CPA6: variants seen among roughly 807,000 people sequenced by gnomAD.
CPA6 encodes carboxypeptidase B.
A neutral mutation model predicts 63.3 loss-of-function variants in CPA6; 58 were observed. The ratio of observed to expected loss-of-function variants is 0.92; its 90% CI spans 0.74 to 1.14. The LOEUF (loss-of-function observed/expected upper bound fraction) is 1.14, where lower values mean the gene tolerates loss of function less well. Ranked by LOEUF, CPA6 falls within the 50% of genes most tolerant of loss-of-function variation. CPA6 has a pLI of 0.00. For synonymous variants in CPA6, 185 were observed against 179.0 expected (o/e 1.03, Z -0.27); for missense variants, 565 against 526.6 (o/e 1.07, Z -0.71).
chr8:67,667,602 T>C (rs1477114493), intron 1 of CPA6, among the ~76,000 whole-genome samples: 1 of 152,100 alleles, frequency 6.6e-6, no homozygotes, highest in Non-Finnish European at 1.5e-5. Context: ...AAAGGGAGGA[T>C]CGGCAAGGTT....
chr8:67,584,611 T>C (rs1228808367), intron 2 of CPA6, among the ~76,000 whole-genome samples: 1 of 152,150 alleles, frequency 6.6e-6, no homozygotes, highest in East Asian at 1.9e-4. Flanking sequence ...AATTATTTTC[T>C]ATTAAAGGGT....
Position 67,422,496 on chromosome 8 carries a change from G to A in CPA6, c.*8C>T. 1 of 1,611,180 alleles carries A rather than the reference G, an allele frequency of 6.2e-7. No homozygotes were observed. Among genetic ancestry groups the A allele is most frequent in the East Asian group, 2.2e-5 (1 of 44,826 alleles). ...TCCTATGGCAGTTGACCTGAGCCTT[G>A]GGCTGTCTCAGGGACATTTCTTTAG... is the stretch of plus-strand genomic sequence containing the variant. On this transcript the variant is annotated 3_prime_UTR_variant, in exon 11 of 11. Coordinates refer to ENST00000297770, the MANE Select transcript of CPA6 (RefSeq NM_020361.5).
chr8:67,461,564 A>G (rs1175319835), intron 8 of CPA6, among the ~76,000 whole-genome samples: 2 of 152,202 alleles, frequency 1.3e-5, no homozygotes, highest in African/African-American at 2.4e-5. Flanking sequence ...CCCGTTCTCA[A>G]TGAGCTGTTG....
At chr8:67,446,046 C>G (rs879916011) in intron 8 of CPA6, among the ~76,000 whole-genome samples, 20 of 152,062 alleles carry the variant, frequency 1.3e-4, no homozygotes, top group Non-Finnish European at 2.2e-4. Context: ...GGGCGGATCA[C>G]GAGGTCAGGA....
intron 8 of CPA6, among the ~76,000 whole-genome samples, chr8:67,464,529 A>G (rs1810883407): frequency 6.6e-6 from 1 of 152,068 alleles, no homozygotes; most frequent in South Asian, 2.1e-4. Flanking sequence ...TCAGGTCCCA[A>G]TTGTCAATTT....
At chr8:67,623,026 CA>C (rs1408549293) in intron 2 of CPA6, among the ~76,000 whole-genome samples, 1 of 152,162 alleles carries the variant, frequency 6.6e-6, no homozygotes, top group Non-Finnish European at 1.5e-5. Context: ...TAAAGTTTAT[CA>C]AAGATTGAAT....
At chr8:67,423,453 A>G (rs374713630) in intron 10 of CPA6, among the ~76,000 whole-genome samples, 1 of 152,026 alleles carries the variant, frequency 6.6e-6, no homozygotes, top group African/African-American at 2.4e-5. Flanking sequence ...CTGTGCCTTT[A>G]CTTAGATTGG....
At chr8:67,640,809 C>G (rs1815574472) in intron 1 of CPA6, among the ~76,000 whole-genome samples, 2 of 151,586 alleles carry the variant, frequency 1.3e-5, no homozygotes, top group Non-Finnish European at 2.9e-5. Flanking sequence ...TGCATTTTCC[C>G]CAGCAGCAGC....
At chr8:67,485,459 T>A (rs1362785515) in intron 6 of CPA6, among the ~76,000 whole-genome samples, 1 of 152,214 alleles carries the variant, frequency 6.6e-6, no homozygotes, top group African/African-American at 2.4e-5. Context: ...TATGATATTG[T>A]GTGTATGCGT....
At chr8:67,682,525 A>C (rs1456290403) in intron 1 of CPA6, among the ~76,000 whole-genome samples, 1 of 152,016 alleles carries the variant, frequency 6.6e-6, no homozygotes, top group African/African-American at 2.4e-5. Flanking sequence ...GTTTCTATTG[A>C]TCTTTCTTAT....
chr8:67,617,126 C>T (rs16933449), intron 2 of CPA6, among the ~76,000 whole-genome samples: 5,666 of 152,156 alleles, frequency 0.037, 202 homozygotes, highest in African/African-American at 0.093. Context: ...CTGCATAAGC[C>T]GAAGGTCATG....
intron 5 of CPA6, among the ~76,000 whole-genome samples, chr8:67,508,934 C>T (rs928099045): frequency 3.3e-5 from 5 of 152,012 alleles, no homozygotes; most frequent in African/African-American, 7.3e-5. Context: ...CTCACAGTTC[C>T]GTAGGCTGTA....
At chr8:67,605,393 C>G (rs1292225683) in intron 2 of CPA6, among the ~76,000 whole-genome samples, 2 of 152,012 alleles carry the variant, frequency 1.3e-5, no homozygotes, top group African/African-American at 4.8e-5. Context: ...TATAAAATGC[C>G]CTGGTATTTG....
intron 8 of CPA6, among the ~76,000 whole-genome samples, chr8:67,454,593 A>G (rs2128956130): frequency 6.6e-6 from 1 of 152,370 alleles, no homozygotes; most frequent in East Asian, 1.9e-4. Flanking sequence ...TGTAAAAGTT[A>G]TTAGTTTTCC....
intron 1 of CPA6, among the ~76,000 whole-genome samples, chr8:67,737,553 A>T (rs1477554): frequency 0.64 from 97,723 of 151,892 alleles, 34,480 homozygotes; most frequent in Non-Finnish European, 0.77. Flanking sequence ...TTGATATCTG[A>T]TATCAAGAGT....
At chr8:67,530,551 C>G (rs891418798) in intron 2 of CPA6, among the ~76,000 whole-genome samples, 1 of 152,138 alleles carries the variant, frequency 6.6e-6, no homozygotes, top group Non-Finnish European at 1.5e-5. Context: ...ACAGCAAACA[C>G]CCCTTTGACA....
intron 1 of CPA6, among the ~76,000 whole-genome samples, chr8:67,642,021 AT>A (rs1404242882): frequency 6.6e-6 from 1 of 152,212 alleles, no homozygotes; most frequent in Non-Finnish European, 1.5e-5. Flanking sequence ...AAATTATAAA[AT>A]TTGATTAAAG....
At chr8:67,564,068 G>C (rs1265961801) in intron 2 of CPA6, among the ~76,000 whole-genome samples, 1 of 152,120 alleles carries the variant, frequency 6.6e-6, no homozygotes, top group African/African-American at 2.4e-5. Flanking sequence ...TGCATAAATT[G>C]TTCACAGCTG....
intron 1 of CPA6, among the ~76,000 whole-genome samples, chr8:67,666,652 C>G (rs1197654434): frequency 6.6e-6 from 1 of 152,140 alleles, no homozygotes. Context: ...GCCTGGCGAT[C>G]AGGGTCTCCG....
Sources: gnomAD v4.1 joint callset for allele counts (sites outside exome capture counted in the v4.1 genomes callset) on GRCh38, gnomAD v4.1.1 for gene constraint, MANE v1.5 for transcripts, NCBI Gene and HGNC (gene_info 2026-07-23, HGNC 2026-07-21) for gene names.